MAP3K7: variants seen among roughly 807,000 people sequenced by gnomAD.
The protein encoded by MAP3K7 is TGF-beta activated kinase 1.
Under a neutral mutation model 84.8 loss-of-function variants are expected in MAP3K7, and 21 were observed. The observed-to-expected ratio is 0.25, with a 90% CI of 0.18 to 0.36. The LOEUF is 0.36. Among genes scored for constraint, MAP3K7 ranks in the 10% least tolerant of loss-of-function variants. The pLI, the probability that MAP3K7 is intolerant of heterozygous loss-of-function variation, is 1.00. For missense variants in MAP3K7, 503 were observed against 747.7 expected, an observed-to-expected ratio of 0.67 and a Z score of 3.82; for synonymous variants, 241 against 247.7, an observed-to-expected ratio of 0.97 and a Z score of 0.25.
At chr6:90,546,343 AAAAAGATGC>A (rs1366399650) in intron 11 of MAP3K7, among the ~76,000 whole-genome samples, 1 of 152,196 alleles carries the variant, frequency 6.6e-6, no homozygotes, top group Non-Finnish European at 1.5e-5. Context: ...AGCTAAGTTA[AAAAAGATGC>A]AAATACACAT....
rs11468988 is a variant in MAP3K7, at chr6:90,576,419, T to TCACACACA, written c.121-4620_121-4613dup. 3.6e-3 allele frequency among the ~76,000 whole-genome samples: 498 copies of TCACACACA among 136,926 alleles called. 1 individual carries two copies. The highest frequency in any genetic ancestry group is 9.3e-3 in the East Asian group (41 of 4,390). The allele number at this position is 136,926 out of a possible 152,430, so 89.8% of individuals were successfully genotyped here. A position where few individuals can be genotyped will look rare whatever the true frequency, so the allele number is the denominator to read the frequency against. On this transcript the variant is annotated intron_variant, in intron 1 of 16. Transcript: ENST00000369329. Reference sequence around the variant, plus strand: ...GCCTGGGCAACAGAGCTAGACTCTGTCACACACACACACACACACACACAC... The same window carrying TCACACACA: ...GCCTGGGCAACAGAGCTAGACTCTGTCACACACACACACACACACACACACACACACAC...
In MAP3K7 at chr6:90,563,767, C is replaced by T. The variant is rs181659756; in HGVS notation, c.298-2100G>A. 4.2e-4 allele frequency among the ~76,000 whole-genome samples: 64 copies of T among 152,278 alleles called. No individual in the cohort carries two copies. The South Asian group carries it at 4.3e-3, about 10-fold the overall frequency. ...GAGCAACTCCAAGATACATAATCGT[C>T]AGATTCACCAAAGTTGAAATGAAGG... On this transcript the variant is annotated intron_variant, in intron 3 of 16. Coordinates refer to ENST00000369329, the MANE Select transcript of MAP3K7 (RefSeq NM_145331.3).
intron 15 of MAP3K7, among the ~76,000 whole-genome samples, 153 bp from the exon 16 acceptor site, chr6:90,518,715 G>A (rs770312569): frequency 6.6e-6 from 1 of 151,840 alleles, no homozygotes; most frequent in Non-Finnish European, 1.5e-5. Context: ...GAAAATCTCA[G>A]TGTCCTTTTG....
intron 9 of MAP3K7, among the ~76,000 whole-genome samples, chr6:90,548,763 G>A (rs764357711): frequency 2.0e-5 from 3 of 150,156 alleles, no homozygotes; most frequent in East Asian, 2.0e-4. Context: ...GAGAACAGAC[G>A]GCCAGAGATG....
intron 1 of MAP3K7, among the ~76,000 whole-genome samples, chr6:90,572,624 T>C (rs771993888): frequency 4.6e-5 from 7 of 151,736 alleles, no homozygotes; most frequent in Admixed American, 4.6e-4. Context: ...CCTGGTAAAT[T>C]TGCAAAACCC....
intron 8 of MAP3K7, 143 bp downstream of exon 8, chr6:90,551,906 A>G (rs562355934): frequency 8.5e-6 from 7 of 827,732 alleles, no homozygotes; most frequent in African/African-American, 1.7e-5. Context: ...TCTGACTATG[A>G]GTAATAAATG....
At position 90,523,068 on chromosome 6, in the gene MAP3K7, C is replaced by A. The variant is rs576838263; in HGVS notation, c.1462+610G>T. 9.2e-5 allele frequency among the ~76,000 whole-genome samples: 14 copies of A among 152,242 alleles called. No individual in the cohort carries two copies. The East Asian group carries it at 2.3e-3, about 25-fold the overall frequency. On this transcript the variant is annotated intron_variant, in intron 14 of 16. Coordinates refer to ENST00000369329, the MANE Select transcript of MAP3K7 (RefSeq NM_145331.3). Reference sequence around the variant, plus strand: ...CATAATGAAACGATGCCGTCACTACCTTTAGGCAGGTAGACATTAATACTA... The same window carrying A: ...CATAATGAAACGATGCCGTCACTACATTTAGGCAGGTAGACATTAATACTA...
chr6:90,585,811 G>C (rs772846378), intron 1 of MAP3K7, among the ~76,000 whole-genome samples: 1 of 152,140 alleles, frequency 6.6e-6, no homozygotes, highest in Non-Finnish European at 1.5e-5. Context: ...TATCTCTTCA[G>C]AATATGCTAC....
intron 13 of MAP3K7, 33 bp from the exon 14 acceptor site, chr6:90,523,816 T>A (rs1775233087): frequency 8.2e-7 from 1 of 1,223,944 alleles, no homozygotes; most frequent in Non-Finnish European, 1.2e-6. Context: ...AAACAAAATG[T>A]GATTTTTTGA....
chr6:90,519,168 GA>G (rs1054112472), intron 15 of MAP3K7, 89 bp downstream of exon 15: 1 of 778,096 alleles, frequency 1.3e-6, no homozygotes, highest in African/African-American at 1.8e-5. Context: ...ATTAAGGAGT[GA>G]CTATACAATG....
chr6:90,538,061 A>G (rs1775735547), intron 12 of MAP3K7, among the ~76,000 whole-genome samples: 1 of 151,992 alleles, frequency 6.6e-6, no homozygotes, highest in Admixed American at 6.6e-5. Context: ...AAGGTAAAGA[A>G]GAGCTGACAG....
intron 9 of MAP3K7, among the ~76,000 whole-genome samples, chr6:90,548,602 G>C (rs1776079797): frequency 6.6e-6 from 1 of 152,088 alleles, no homozygotes; most frequent in Non-Finnish European, 1.5e-5. Context: ...AAAACATTAT[G>C]AGCCAACAGA....
chr6:90,564,649 T>C (rs574956420), intron 3 of MAP3K7, among the ~76,000 whole-genome samples: 2 of 152,302 alleles, frequency 1.3e-5, no homozygotes, highest in African/African-American at 2.4e-5. Flanking sequence ...CTGTCAATGT[T>C]AGACAAATTA....
At chr6:90,544,738 A>G (rs750384905) in intron 11 of MAP3K7, 106 bp from the exon 12 acceptor site, 6 of 913,972 alleles carry the variant, frequency 6.6e-6, no homozygotes, top group Non-Finnish European at 1.1e-5. Flanking sequence ...TCATGTTAAT[A>G]ACATTTCATG....
intron 13 of MAP3K7, among the ~76,000 whole-genome samples, chr6:90,535,375 C>A (rs781288534): frequency 5.2e-4 from 79 of 151,672 alleles, no homozygotes; most frequent in Non-Finnish European, 9.7e-4. Flanking sequence ...AATATATAAA[C>A]GCTAAAATTT....
intron 13 of MAP3K7, among the ~76,000 whole-genome samples, chr6:90,531,718 T>G (rs1360644148): frequency 6.6e-6 from 1 of 152,114 alleles, no homozygotes; most frequent in Non-Finnish European, 1.5e-5. Flanking sequence ...TTTGGGAGGC[T>G]GAGGCGGGCA....
rs751242562 is a variant in MAP3K7 at position 90,586,791 on chromosome 6, G to A, written c.93C>T (p.Ile31=). The A allele has an allele frequency of 8.1e-6, 13 of 1,607,738 alleles. No individual in the cohort carries two copies. Among genetic ancestry groups the A allele is most frequent in the Admixed American group, 5.1e-5 (3 of 59,306 alleles). The change falls in exon 1 of 17, where the codon ATC becomes ATT. Residue 31 remains isoleucine, a synonymous_variant. Transcript: ENST00000369329. ...CTTCCACCTCGATCTCCTTGTAGTC[G>A]ATCTCTTCAAAGTTGAGGACCTGGG... The part of the protein sequence containing the change: ...APSQVLNFEE[I]DYKEIEVEEV...
chr6:90,556,403 G>T, intron 6 of MAP3K7, 97 bp downstream of exon 6: 1 of 1,323,216 alleles, frequency 7.6e-7, no homozygotes. Flanking sequence ...GTATTATGCA[G>T]AAATAAAACC....
chr6:90,536,731 G>T (rs1775693277), intron 12 of MAP3K7: 1 of 205,882 alleles, frequency 4.9e-6, no homozygotes. Context: ...GAATGCTTGG[G>T]GGCTGGGGCT....
Sources: allele counts gnomAD v4.1 joint callset (sites outside exome capture counted in the v4.1 genomes callset), GRCh38; gene constraint gnomAD v4.1.1; transcripts MANE v1.5; gene names NCBI Gene and HGNC (gene_info 2026-07-23, HGNC 2026-07-21).